ERI3: variants seen among roughly 807,000 people sequenced by gnomAD.
ERI3 encodes ERI1 exoribonuclease 3.
A neutral mutation model predicts 44.4 loss-of-function variants in ERI3; 18 were observed. The ratio of observed to expected loss-of-function variants is 0.41; its 90% CI spans 0.28 to 0.60. The LOEUF (loss-of-function observed/expected upper bound fraction) is 0.60. Ranked by LOEUF, ERI3 falls within the 20% of genes least tolerant of loss-of-function variation. The probability of loss-of-function intolerance (pLI) is 0.36; values close to 1 mark genes in which losing one functional copy is unlikely to be tolerated. For synonymous variants in ERI3, 183 were observed against 164.8 expected (o/e 1.11, Z -0.84); for missense variants, 294 against 435.5 (o/e 0.68, Z 2.89).
chr1:44,261,329 T>A (rs1042795191), intron 7 of ERI3, among the ~76,000 whole-genome samples: 3 of 152,272 alleles, frequency 2.0e-5, no homozygotes, highest in South Asian at 4.1e-4. Flanking sequence ...TCCCCATTTA[T>A]CAAGCTCACG....
chr1:44,335,127 C>A (rs1646506182), intron 3 of ERI3, among the ~76,000 whole-genome samples: 1 of 151,960 alleles, frequency 6.6e-6, no homozygotes, highest in South Asian at 2.1e-4. Flanking sequence ...ATCATTTGAA[C>A]CCAGGAGTTT....
chr1:44,267,474 C>T (rs960191791), intron 7 of ERI3, among the ~76,000 whole-genome samples: 13 of 152,302 alleles, frequency 8.5e-5, no homozygotes, highest in Admixed American at 3.3e-4. Context: ...CACAAACACC[C>T]ACAGTCCAGG....
intron 7 of ERI3, among the ~76,000 whole-genome samples, chr1:44,261,577 G>C (rs1644894749): frequency 6.6e-6 from 1 of 152,246 alleles, no homozygotes; most frequent in African/African-American, 2.4e-5. Flanking sequence ...AACGAGAGCA[G>C]GCAGCGGCCA....
In ERI3 at chr1:44,250,548, G is replaced by A. The variant is rs905462879; in HGVS notation, c.832-2510C>T. 4.6e-5 allele frequency among the ~76,000 whole-genome samples: 7 copies of A among 152,304 alleles called. No homozygotes were observed. The South Asian group carries it at 1.2e-3, about 27-fold the overall frequency. ...GAAAGCGAAGGTGCCAGGAAAGGAG[G>A]CAACCCGGTCCCGCCTGACAGATGC... On this transcript the variant is annotated intron_variant, in intron 7 of 8. Transcript: ENST00000372257.
intron 2 of ERI3, among the ~76,000 whole-genome samples, chr1:44,342,833 ATATATATATATATATATATATATATTTTT>A (rs1396246210): frequency 0.066 from 1,780 of 27,070 alleles, 99 homozygotes; most frequent in Non-Finnish European, 0.084. Flanking sequence ...ATATATATAT[ATATATATATATATATATATATATATTTTT>A]TTTTTTTTTT....
intron 5 of ERI3, among the ~76,000 whole-genome samples, chr1:44,310,065 A>C (rs956401846): frequency 6.6e-6 from 1 of 152,154 alleles, no homozygotes; most frequent in Non-Finnish European, 1.5e-5. Flanking sequence ...TTGTTCTGAG[A>C]ATTAAATGTG....
chr1:44,353,666 A>G, intron 1 of ERI3: 1 of 985,490 alleles, frequency 1.0e-6, no homozygotes, highest in Non-Finnish European at 1.2e-6. Flanking sequence ...GAAAGGGAAT[A>G]AAAGCACTTT....
chr1:44,269,233 G>C (rs575882355), intron 7 of ERI3, among the ~76,000 whole-genome samples: 4 of 152,190 alleles, frequency 2.6e-5, no homozygotes, highest in Non-Finnish European at 5.9e-5. Context: ...ACCACAAGAA[G>C]AAACTCCCTC....
chr1:44,244,740 A>G (rs1440146263), intron 8 of ERI3, among the ~76,000 whole-genome samples: 1 of 151,932 alleles, frequency 6.6e-6, no homozygotes, highest in African/African-American at 2.4e-5. Context: ...TCCCCTGCCC[A>G]AAACACTCCT....
intron 7 of ERI3, among the ~76,000 whole-genome samples, chr1:44,249,005 A>G (rs1285803988): frequency 6.6e-6 from 1 of 152,214 alleles, no homozygotes; most frequent in East Asian, 1.9e-4. Context: ...CTGATGCCAC[A>G]GATGAGGAAA....
intron 7 of ERI3, among the ~76,000 whole-genome samples, chr1:44,275,322 C>T (rs1235952253): frequency 6.6e-6 from 1 of 152,210 alleles, no homozygotes; most frequent in East Asian, 1.9e-4. Context: ...GATCCCCTCA[C>T]TCCTGATGAC....
chr1:44,291,900 T>G (rs1354514207), intron 6 of ERI3, among the ~76,000 whole-genome samples: 1 of 150,062 alleles, frequency 6.7e-6, no homozygotes, highest in Non-Finnish European at 1.5e-5. Context: ...AGTCCCCTGA[T>G]GGTGGGGCAT....
chr1:44,310,963 G>GCGCGCGCGCACA (rs1373873768), intron 5 of ERI3, among the ~76,000 whole-genome samples: 1 of 123,200 alleles, frequency 8.1e-6, no homozygotes, highest in Non-Finnish European at 1.7e-5. Context: ...GCGCGCGCGC[G>GCGCGCGCGCACA]CACACACACA....
intron 7 of ERI3, among the ~76,000 whole-genome samples, chr1:44,256,120 G>C (rs1205972659): frequency 6.6e-6 from 1 of 152,112 alleles, no homozygotes; most frequent in Non-Finnish European, 1.5e-5. Context: ...GAGAAAAGGA[G>C]AAGCGAGAGG....
At chr1:44,227,937 G>A (rs2154315475) in intron 8 of ERI3, among the ~76,000 whole-genome samples, 1 of 152,302 alleles carries the variant, frequency 6.6e-6, no homozygotes. Flanking sequence ...TGAGTTATTT[G>A]TGAAGTGCTT....
intron 3 of ERI3, among the ~76,000 whole-genome samples, chr1:44,324,534 T>G (rs1382008636): frequency 6.7e-6 from 1 of 149,042 alleles, no homozygotes; most frequent in African/African-American, 2.5e-5. Context: ...CAGGCTGGGT[T>G]GCAGTGGCGA....
intron 4 of ERI3, among the ~76,000 whole-genome samples, chr1:44,314,084 G>T (rs1002562178): frequency 5.3e-5 from 8 of 151,788 alleles, no homozygotes; most frequent in Non-Finnish European, 1.2e-4. Flanking sequence ...CCCCCAGCAT[G>T]TCCCTGGCTA....
chr1:44,322,199 CAG>C (rs1646217056), intron 3 of ERI3, among the ~76,000 whole-genome samples: 1 of 152,162 alleles, frequency 6.6e-6, no homozygotes, highest in Non-Finnish European at 1.5e-5. Flanking sequence ...ACATCCCCAG[CAG>C]ACTCTCTGGA....
At chr1:44,325,146 C>T (rs184871810) in intron 3 of ERI3, among the ~76,000 whole-genome samples, 54 of 149,166 alleles carry the variant, frequency 3.6e-4, no homozygotes, top group African/African-American at 1.0e-3. Flanking sequence ...GCACAATCTC[C>T]GGCTCAATGT....
Sources: gnomAD v4.1 joint callset for allele counts (sites outside exome capture counted in the v4.1 genomes callset) on GRCh38, gnomAD v4.1.1 for gene constraint, MANE v1.5 for transcripts, NCBI Gene and HGNC (gene_info 2026-07-23, HGNC 2026-07-21) for gene names.